MUC13: variants seen among roughly 807,000 people sequenced by gnomAD.
MUC13 encodes the protein mucin-13.
MUC13 carries 32 observed loss-of-function variants against 48.3 expected under a neutral mutation model. The observed-to-expected ratio is 0.66, with a 90% CI of 0.50 to 0.89. MUC13 has a LOEUF of 0.89. Ranked by LOEUF, MUC13 falls within the 40% of genes least tolerant of loss-of-function variation. The probability of loss-of-function intolerance (pLI) is 0.00; values close to 1 mark genes in which losing one functional copy is unlikely to be tolerated. For missense variants in MUC13, 571 were observed against 622.8 expected, an observed-to-expected ratio of 0.92 and a Z score of 0.88; for synonymous variants, 199 against 224.9, an observed-to-expected ratio of 0.88 and a Z score of 1.03.
At chr3:124,931,726 C>T (rs575513941) in intron 1 of MUC13, among the ~76,000 whole-genome samples, 5 of 149,088 alleles carry the variant, frequency 3.4e-5, no homozygotes, top group South Asian at 2.1e-4. Flanking sequence ...CCAGCCTGGG[C>T]GACAAGAGCA....
Position 124,923,657 on chromosome 3 carries a change from G to C in MUC13, c.515-8C>G. The C allele has an allele frequency of 1.2e-6, 2 of 1,602,576 alleles. No individual in the cohort carries two copies. Among genetic ancestry groups the C allele is most frequent in the East Asian group, 4.5e-5 (2 of 44,758 alleles). ...GGCAAGGATTGCTGGGACCTTAGAT[G>C]GAGTAGAAAGAGATTAGAAATCCAG... On this transcript the variant is annotated splice_region_variant and splice_polypyrimidine_tract_variant and intron_variant, in intron 2 of 11. Coordinates refer to ENST00000616727, the MANE Select transcript of MUC13 (RefSeq NM_033049.4).
chr3:124,916,148 A>G (rs1357694861), intron 6 of MUC13, among the ~76,000 whole-genome samples, 169 bp downstream of exon 6: 1 of 152,226 alleles, frequency 6.6e-6, no homozygotes, highest in Non-Finnish European at 1.5e-5. Flanking sequence ...AAAGAAGCAG[A>G]GGGCAAGCGA....
chr3:124,925,288 A>AT (rs1560000495), intron 2 of MUC13, among the ~76,000 whole-genome samples: 1 of 152,234 alleles, frequency 6.6e-6, no homozygotes, highest in African/African-American at 2.4e-5. Context: ...GAGACAGTAA[A>AT]AAGATCTGTG....
At chr3:124,921,799 C>G (rs1935597077) in intron 4 of MUC13, among the ~76,000 whole-genome samples, 1 of 152,114 alleles carries the variant, frequency 6.6e-6, no homozygotes, top group African/African-American at 2.4e-5. Flanking sequence ...TAAATTTTTT[C>G]TCTTTCATTC....
At position 124,912,048 on chromosome 3, in the gene MUC13, A is replaced by G. The variant is rs16836179; in HGVS notation, c.1252+56T>C. 1.8e-3 allele frequency: 2,834 copies of G among 1,590,708 alleles called. 50 individuals carry two copies. The African/African-American group carries it at 0.033, about 19-fold the overall frequency. On this transcript the variant is annotated intron_variant, in intron 9 of 11. Coordinates refer to ENST00000616727, the MANE Select transcript of MUC13 (RefSeq NM_033049.4). Reference sequence around the variant, plus strand: ...GGGCAGGATGTTGAATGGGGTCACTATTGATTTCTCAGATGTTTAATAACT... The same window carrying G: ...GGGCAGGATGTTGAATGGGGTCACTGTTGATTTCTCAGATGTTTAATAACT...
chr3:124,932,616 A>G (rs895760576), intron 1 of MUC13, among the ~76,000 whole-genome samples: 2 of 152,198 alleles, frequency 1.3e-5, no homozygotes, highest in Non-Finnish European at 2.9e-5. Flanking sequence ...AAGTGCAGAC[A>G]TGACAAAAAG....
In MUC13 at chr3:124,927,595, T is replaced by C. The variant is rs1294026353; in HGVS notation, c.451A>G (p.Asn151Asp). Residue 151 changes from asparagine (N) to aspartate (D), a missense_variant, in exon 2 of 12, where the codon AAT becomes GAT. By Grantham distance (23) the Asn-to-Asp change is conservative. Coordinates refer to ENST00000616727, the MANE Select transcript of MUC13 (RefSeq NM_033049.4). ...NNEMSPTTED[N>D]QSSGPPTGTA... The stretch of plus-strand genomic sequence containing the variant: ...CCAGTGGGAGGCCCTGATGATTGAT[T>C]GTCTTCTGTGGTGGGGGACATTTCA... 4 of 1,614,118 alleles carry C rather than the reference T, an allele frequency of 2.5e-6. No homozygotes were observed. The highest frequency in any genetic ancestry group is 4.5e-5 in the East Asian group (2 of 44,900).
intron 2 of MUC13, among the ~76,000 whole-genome samples, chr3:124,925,247 T>A (rs1488761802): frequency 2.6e-5 from 4 of 152,332 alleles, no homozygotes; most frequent in African/African-American, 9.6e-5. Flanking sequence ...TGATTCCAAC[T>A]ATATGACTTT....
chr3:124,924,941 ATACTCT>A (rs1935663053), intron 2 of MUC13, among the ~76,000 whole-genome samples: 1 of 152,224 alleles, frequency 6.6e-6, no homozygotes, highest in South Asian at 2.1e-4. Context: ...AAAAATAAAC[ATACTCT>A]TACGAGAAGA....
intron 1 of MUC13, among the ~76,000 whole-genome samples, chr3:124,931,190 C>T (rs11718852): frequency 0.39 from 57,317 of 148,286 alleles, 12,827 homozygotes; most frequent in Non-Finnish European, 0.52. Flanking sequence ...CCCGGCACTT[C>T]GGGAGGCTGA....
chr3:124,924,609 A>G (rs1211978736), intron 2 of MUC13, among the ~76,000 whole-genome samples: 1 of 152,244 alleles, frequency 6.6e-6, no homozygotes, highest in Non-Finnish European at 1.5e-5. Context: ...AGGATTATAC[A>G]CAAGCAAATA....
rs1406576461 is a variant in MUC13, at chr3:124,927,689, G to T, written c.357C>A (p.Asp119Glu). 6.2e-7 allele frequency: 1 copy of T among 1,614,244 alleles called. No homozygotes were observed. The highest frequency in any genetic ancestry group is 1.7e-5 in the Admixed American group (1 of 60,022). The change falls in exon 2 of 12, where the codon GAC (aspartate) becomes GAA (glutamate). Residue 119 changes from aspartate (D) to glutamate (E), a missense_variant. Asp to Glu is a conservative substitution (Grantham distance 45). Coordinates refer to ENST00000616727, the MANE Select transcript of MUC13 (RefSeq NM_033049.4). ...TTNVNSLATS[D>E]IITASSPNDG... is the part of the protein sequence containing the mutation. ...CATTTGGAGATGAAGCGGTGATTATGTCAGAGGTAGCTAATGAATTTACAT... is the reference window on the plus strand; with the variant it reads ...CATTTGGAGATGAAGCGGTGATTATTTCAGAGGTAGCTAATGAATTTACAT...
At chr3:124,928,784 G>A (rs1935739161) in intron 1 of MUC13, among the ~76,000 whole-genome samples, 1 of 152,226 alleles carries the variant, frequency 6.6e-6, no homozygotes, top group East Asian at 1.9e-4. Flanking sequence ...ACCATTCTCA[G>A]TGAGGACAAT....
At chr3:124,926,722 G>A (rs1935693972) in intron 2 of MUC13, among the ~76,000 whole-genome samples, 1 of 152,162 alleles carries the variant, frequency 6.6e-6, no homozygotes, top group South Asian at 2.1e-4. Flanking sequence ...CTAGATCAAG[G>A]GCTGGCAAAC....
Position 124,934,736 on chromosome 3 carries a change from C to T in MUC13, c.-24G>A. 1 of 1,589,856 alleles carries T rather than the reference C, an allele frequency of 6.3e-7. No homozygotes were observed. Among genetic ancestry groups the T allele is most frequent in the South Asian group, 1.1e-5 (1 of 90,278 alleles). On this transcript the variant is annotated 5_prime_UTR_variant, in exon 1 of 12. Transcript: ENST00000616727. ...ATTTTAGCTGTTCTTGCTTGGTAATCTGAGGAGGAAATGATTTCCCTTCCT... is the reference window on the plus strand; with the variant it reads ...ATTTTAGCTGTTCTTGCTTGGTAATTTGAGGAGGAAATGATTTCCCTTCCT...
chr3:124,928,071 T>C, intron 1 of MUC13, 78 bp from the exon 2 acceptor site: 2 of 978,966 alleles, frequency 2.0e-6, no homozygotes, highest in Admixed American at 3.0e-5. Flanking sequence ...CTAAATCATA[T>C]CCAACTCATT....
At chr3:124,926,336 T>C (rs1935685920) in intron 2 of MUC13, among the ~76,000 whole-genome samples, 1 of 152,256 alleles carries the variant, frequency 6.6e-6, no homozygotes, top group African/African-American at 2.4e-5. Context: ...AGTTTGTTCA[T>C]GGTAGGGCCA....
chr3:124,908,415 T>C, intron 10 of MUC13, 67 bp from the exon 11 acceptor site: 2 of 1,216,748 alleles, frequency 1.6e-6, no homozygotes. Flanking sequence ...ATGTTAATGT[T>C]CTTTTTAAAA....
chr3:124,916,778 T>C lies in MUC13; in HGVS notation c.801-298A>G, dbSNP rs77153801. ...AAAATTATGAATCACATTTTAAGGA[T>C]CTAGGAGCCTAGAGCTAACCAGAAT... On this transcript the variant is annotated intron_variant, in intron 5 of 11. Coordinates refer to ENST00000616727, the MANE Select transcript of MUC13 (RefSeq NM_033049.4). Among the ~76,000 whole-genome samples, 1,110 of 152,278 alleles carry C rather than the reference T, an allele frequency of 7.3e-3. 15 individuals are homozygous for C. The highest frequency in any genetic ancestry group is 0.024 in the African/African-American group (1,009 of 41,544).
Sources: allele counts gnomAD v4.1 joint callset (sites outside exome capture counted in the v4.1 genomes callset), GRCh38; gene constraint gnomAD v4.1.1; transcripts MANE v1.5; gene names NCBI Gene and HGNC (gene_info 2026-07-23, HGNC 2026-07-21).